Variants in PISD observed in about 807,000 individuals in gnomAD.
PISD encodes the protein phosphatidylserine decarboxylase proenzyme, mitochondrial.
Under a neutral mutation model 43.5 loss-of-function variants are expected in PISD, and 31 were observed. The ratio of observed to expected loss-of-function variants is 0.71; its 90% CI spans 0.54 to 0.96. The LOEUF is 0.96. Ranked by LOEUF, PISD falls within the 40% of genes least tolerant of loss-of-function variation. The pLI is 0.00. For missense variants in PISD, 523 were observed against 548.4 expected, an observed-to-expected ratio of 0.95 and a Z score of 0.46; for synonymous variants, 259 against 228.7, an observed-to-expected ratio of 1.13 and a Z score of -1.20.
chr22:31,635,780 C>A (rs1035620808), intron 3 of PISD, among the ~76,000 whole-genome samples: 4 of 152,220 alleles, frequency 2.6e-5, no homozygotes. Flanking sequence ...GAGGTCAGAG[C>A]TGGCCCCTGC....
chr22:31,641,514 C>T (rs771091169), intron 3 of PISD, among the ~76,000 whole-genome samples: 1 of 152,126 alleles, frequency 6.6e-6, no homozygotes, highest in African/African-American at 2.4e-5. Context: ...AACAGGGAGA[C>T]ATTTGAAACT....
At chr22:31,650,203 C>T (rs755980208) in intron 2 of PISD, among the ~76,000 whole-genome samples, 2 of 152,160 alleles carry the variant, frequency 1.3e-5, no homozygotes, top group East Asian at 3.9e-4. Context: ...TGAGGCCGGG[C>T]ACGGTGGCTC....
chr22:31,640,884 T>C (rs1227113791), intron 3 of PISD, among the ~76,000 whole-genome samples: 1 of 54,658 alleles, frequency 1.8e-5, no homozygotes, highest in Non-Finnish European at 3.5e-5. Context: ...CCCGGTGTTT[T>C]TTTTTTTTTT....
chr22:31,640,671 C>A (rs2073675877), intron 3 of PISD, among the ~76,000 whole-genome samples: 1 of 138,702 alleles, frequency 7.2e-6, no homozygotes, highest in Admixed American at 7.9e-5. Context: ...ACCTCTGCCT[C>A]CTGGGTTCAA....
chr22:31,638,039 G>A (rs1356287988), intron 3 of PISD, among the ~76,000 whole-genome samples: 3 of 152,206 alleles, frequency 2.0e-5, no homozygotes, highest in Non-Finnish European at 2.9e-5. Context: ...GCCTCCCCTC[G>A]GGCCAGGCCC....
chr22:31,650,361 A>T (rs549406010), intron 2 of PISD, among the ~76,000 whole-genome samples: 39 of 151,824 alleles, frequency 2.6e-4, no homozygotes, highest in East Asian at 1.9e-3. Context: ...TTGAAATATT[A>T]AAAAAACAAC....
At chr22:31,624,421 GT>G (rs926180903) in intron 3 of PISD, among the ~76,000 whole-genome samples, 9 of 152,126 alleles carry the variant, frequency 5.9e-5, no homozygotes, top group Non-Finnish European at 1.2e-4. Context: ...CCTTTTCATG[GT>G]TCCAGGCCCC....
chr22:31,626,334 C>G, intron 3 of PISD: 1 of 155,672 alleles, frequency 6.4e-6, no homozygotes, highest in Non-Finnish European at 1.4e-5. Context: ...GCCCCGTGCT[C>G]CAGGCCCAGG....
intron 2 of PISD, among the ~76,000 whole-genome samples, chr22:31,649,934 T>C (rs1458166814): frequency 6.6e-6 from 1 of 152,008 alleles, no homozygotes; most frequent in African/African-American, 2.4e-5. Context: ...AGCAAAACAT[T>C]GGAAGCTAGG....
intron 1 of PISD, among the ~76,000 whole-genome samples, chr22:31,661,111 T>C (rs1423057673): frequency 6.6e-6 from 1 of 152,208 alleles, no homozygotes; most frequent in African/African-American, 2.4e-5. Context: ...CAAAGTCTCC[T>C]GCCCAAATTC....
rs571415161 is a variant in PISD at position 31,621,559 on chromosome 22, C to T, written c.559-87G>A. ...CCCCCACCTCCCCTTGTCATCCTGC[C>T]CCTTCCAGATACGCTGGAGACCAGG... On this transcript the variant is annotated intron_variant, in intron 4 of 7. Transcript: ENST00000439502. 5.0e-6 allele frequency: 8 copies of T among 1,600,158 alleles called. No individual in the cohort carries two copies. In the African/African-American group the frequency reaches 1.1e-4, roughly 21 times the overall value.
chr22:31,618,561 T>C lies in PISD; in HGVS notation c.*1051A>G, dbSNP rs977877040. The C allele has an allele frequency of 3.6e-6, 3 of 825,678 alleles. No individual in the cohort carries two copies. Among genetic ancestry groups the C allele is most frequent in the Non-Finnish European group, 5.2e-6 (3 of 577,642 alleles). 51.1% of individuals were successfully genotyped at this position (825,678 alleles called of 1,614,324 possible). A position where few individuals can be genotyped will look rare whatever the true frequency, so the allele number is the denominator to read the frequency against. On this transcript the variant is annotated 3_prime_UTR_variant, in exon 8 of 8. Transcript: ENST00000439502. ...GAATTACTGTTCAGAAGTCTCCCAC[T>C]TTTCATACAAAAATACTGTGCTACT...
rs199973333 is a variant in PISD, at chr22:31,625,772, G to A, written c.322-3887C>T. ...GTGGGCAGCATCTCACCATTTCGCC[G>A]CGCGGAGCTCTGGTCCTTGCCGCGC... On this transcript the variant is annotated intron_variant, in intron 3 of 7. Coordinates refer to ENST00000439502, the MANE Select transcript of PISD (RefSeq NM_001326411.2). 1.2e-4 allele frequency: 197 copies of A among 1,592,184 alleles called. No homozygotes were observed. The highest frequency in any genetic ancestry group is 1.0e-3 in the Admixed American group (60 of 57,196).
At chr22:31,651,262 C>A (rs1244084925) in intron 1 of PISD, among the ~76,000 whole-genome samples, 1 of 152,098 alleles carries the variant, frequency 6.6e-6, no homozygotes, top group Non-Finnish European at 1.5e-5. Context: ...CCAGGCCCAG[C>A]CTAGAAAAGG....
Position 31,621,356 on chromosome 22 carries a change from T to G in PISD, c.675A>C (p.Thr225=). Residue 225 remains threonine (T), a synonymous_variant, in exon 5 of 8, where the codon ACA becomes ACC. Coordinates refer to ENST00000439502, the MANE Select transcript of PISD (RefSeq NM_001326411.2). ...CACCTGGTGGGAAGGGCAGGTCCTC[T>G]GTGCACATACGCGGGCCCAGGAACG... ...LESFLGPRMC[T]EDLPFPPAAS... The G allele has an allele frequency of 1.2e-6, 2 of 1,614,068 alleles. No individual in the cohort carries two copies. The highest frequency in any genetic ancestry group is 1.7e-6 in the Non-Finnish European group (2 of 1,180,018).
intron 3 of PISD, among the ~76,000 whole-genome samples, chr22:31,637,155 AAAAAAAAAAATATAT>A (rs1268070603): frequency 1.2e-3 from 52 of 44,786 alleles, no homozygotes; most frequent in Middle Eastern, 0.012. Context: ...AAAAAAAAAA[AAAAAAAAAAATATAT>A]ATATATATAT....
Position 31,650,743 on chromosome 22 carries a change from G to A in PISD, c.101C>T (p.Ser34Phe), listed in dbSNP as rs1001961208. Reference sequence around the variant, plus strand: ...AGGCAGCTTCCGTAAGGGCTGTAGGGATTGGCTCAGGGCAGTGATCTCACA... The same window carrying A: ...AGGCAGCTTCCGTAAGGGCTGTAGGAATTGGCTCAGGGCAGTGATCTCACA... ...HPCEITALSQ[S>F]LQPLRKLPFR... Residue 34 changes from serine to phenylalanine, a missense_variant, in exon 2 of 8, where the codon TCC becomes TTC. Coordinates refer to ENST00000439502, the MANE Select transcript of PISD (RefSeq NM_001326411.2). 9.0e-6 allele frequency: 14 copies of A among 1,555,888 alleles called. No individual in the cohort carries two copies. The highest frequency in any genetic ancestry group is 1.2e-5 in the Non-Finnish European group (14 of 1,149,644).
chr22:31,649,665 G>A (rs370936298), intron 2 of PISD, among the ~76,000 whole-genome samples: 4 of 151,676 alleles, frequency 2.6e-5, no homozygotes, highest in African/African-American at 7.3e-5. Context: ...CCCAGGATGC[G>A]GAGCTTGCAG....
At chr22:31,624,654 G>GACAC (rs769817542) in intron 3 of PISD, among the ~76,000 whole-genome samples, 7 of 132,660 alleles carry the variant, frequency 5.3e-5, no homozygotes, top group East Asian at 2.8e-4. Flanking sequence ...TGCACAGACA[G>GACAC]ACACACACAC....
Sources: allele counts gnomAD v4.1 joint callset (sites outside exome capture counted in the v4.1 genomes callset), GRCh38; gene constraint gnomAD v4.1.1; transcripts MANE v1.5; gene names NCBI Gene and HGNC (gene_info 2026-07-23, HGNC 2026-07-21).